Variants in ITGA4 observed in about 807,000 individuals in gnomAD.
ITGA4 encodes integrin alpha-4.
ITGA4 carries 63 observed loss-of-function variants against 133.6 expected under a neutral mutation model. That is an observed-to-expected ratio of 0.47 (90% CI 0.38 to 0.58). The LOEUF is 0.58. ITGA4 is among the 20% of genes least tolerant of loss of function. ITGA4 has a pLI of 0.00. For synonymous variants in ITGA4, 483 were observed against 438.0 expected (o/e 1.10, Z -1.28); for missense variants, 1,076 against 1,252.7 (o/e 0.86, Z 2.13).
At position 181,537,672 on chromosome 2, in the gene ITGA4, A is replaced by T. The variant is rs200675283; in HGVS notation, c.*2145A>T. 1.2e-5 allele frequency: 5 copies of T among 433,856 alleles called. No homozygotes were observed. The highest frequency in any genetic ancestry group is 8.4e-5 in the South Asian group (5 of 59,748). 26.9% of individuals were successfully genotyped at this position (433,856 alleles called of 1,614,324 possible). On this transcript the variant is annotated 3_prime_UTR_variant, in exon 28 of 28. Coordinates refer to ENST00000397033, the MANE Select transcript of ITGA4 (RefSeq NM_000885.6). ...AAAGAATCCAAATTATTTCAGAATT[A>T]TCTAGGTTAAATATTGATGTATTAT...
Position 181,523,259 on chromosome 2 carries a change from CAT to C in ITGA4, c.2074-177_2074-176del. ...ATATATACACATACATATATACACA[CAT>C]GCACACATATTTATATCATATGTCT... On this transcript the variant is annotated intron_variant, in intron 18 of 27. Coordinates refer to ENST00000397033, the MANE Select transcript of ITGA4 (RefSeq NM_000885.6). This position sits in a 1 kb window ranked among gnomAD's most constrained non-coding sequence, Gnocchi z 4.2. The C allele has an allele frequency of 1.9e-6, 1 of 518,484 alleles. No individual in the cohort carries two copies. The highest frequency in any genetic ancestry group is 3.5e-6 in the Non-Finnish European group (1 of 287,136). 32.1% of individuals were successfully genotyped at this position (518,484 alleles called of 1,614,324 possible).
At chr2:181,485,697 A>G (rs1487240922) in intron 9 of ITGA4, among the ~76,000 whole-genome samples, 184 bp from the exon 10 acceptor site, 2 of 152,314 alleles carry the variant, frequency 1.3e-5, no homozygotes, top group East Asian at 1.9e-4. Context: ...TCATACTATT[A>G]TGTGTTGACA....
intron 4 of ITGA4, 21 bp from the exon 5 acceptor site, chr2:181,478,733 AGTT>A (rs751236758): frequency 4.3e-5 from 45 of 1,055,500 alleles, no homozygotes; most frequent in Middle Eastern, 4.6e-4. Flanking sequence ...TAAAATTCTG[AGTT>A]GTTTTAATAT....
At chr2:181,465,236 A>G (rs1205699970) in intron 2 of ITGA4, among the ~76,000 whole-genome samples, 2 of 152,084 alleles carry the variant, frequency 1.3e-5, no homozygotes, top group African/African-American at 4.8e-5. Context: ...GTCATTGTCA[A>G]TATCACATTT....
At chr2:181,485,418 G>T (rs155101) in intron 9 of ITGA4, among the ~76,000 whole-genome samples, 1 of 150,902 alleles carries the variant, frequency 6.6e-6, no homozygotes. Flanking sequence ...TTTTTTTTGC[G>T]TCTCGATATT....
At chr2:181,501,596 T>C (rs1196530660) in intron 15 of ITGA4, among the ~76,000 whole-genome samples, 1 of 152,088 alleles carries the variant, frequency 6.6e-6, no homozygotes, top group African/African-American at 2.4e-5. Context: ...GTGGTGGCAG[T>C]GGATATGGTA....
chr2:181,500,993 A>C (rs974332218), intron 15 of ITGA4, among the ~76,000 whole-genome samples: 1 of 152,160 alleles, frequency 6.6e-6, no homozygotes, highest in Non-Finnish European at 1.5e-5. Context: ...GAGAATTTTA[A>C]ATAGGATACT....
At chr2:181,489,700 A>G (rs1574392256) in intron 10 of ITGA4, among the ~76,000 whole-genome samples, 1 of 152,020 alleles carries the variant, frequency 6.6e-6, no homozygotes, top group African/African-American at 2.4e-5. Flanking sequence ...ATTTTGTTAC[A>G]TGCATCGATT....
At chr2:181,472,991 T>C (rs764286401) in intron 2 of ITGA4, among the ~76,000 whole-genome samples, 3 of 152,246 alleles carry the variant, frequency 2.0e-5, no homozygotes, top group African/African-American at 4.8e-5. Context: ...GACCTAGTCT[T>C]AGTCCTCCTC....
chr2:181,479,864 C>T (rs958688086), intron 5 of ITGA4: 13 of 198,244 alleles, frequency 6.6e-5, no homozygotes, highest in Admixed American at 3.0e-4. Context: ...CTTACTCTAG[C>T]GTTCAGTACT....
At chr2:181,507,586 A>T (rs1686420077) in intron 15 of ITGA4, among the ~76,000 whole-genome samples, 1 of 152,060 alleles carries the variant, frequency 6.6e-6, no homozygotes, top group African/African-American at 2.4e-5. Context: ...CCCCACTTGG[A>T]TACAAAAATC....
Position 181,537,744 on chromosome 2 carries a change from AAAAG to A in ITGA4, c.*2220_*2223del. On this transcript the variant is annotated 3_prime_UTR_variant, in exon 28 of 28. Transcript: ENST00000397033. ...TGTGTCCAATAAACACATTGTAAAA[AAAAG>A]AATTTGAATTGATATCTAAAAACAG... The A allele has an allele frequency of 2.3e-6, 1 of 442,788 alleles. No homozygotes were observed. Among genetic ancestry groups the A allele is most frequent in the East Asian group, 7.0e-5 (1 of 14,284 alleles). 27.4% of individuals were successfully genotyped at this position (442,788 alleles called of 1,614,324 possible).
At chr2:181,484,534 C>T (rs1353008620) in intron 9 of ITGA4, among the ~76,000 whole-genome samples, 1 of 152,170 alleles carries the variant, frequency 6.6e-6, no homozygotes, top group Non-Finnish European at 1.5e-5. Context: ...TCCCTGACTC[C>T]TTTGAATCAA....
chr2:181,509,152 A>T (rs958583503), intron 15 of ITGA4, among the ~76,000 whole-genome samples: 169 of 2,404 alleles, frequency 0.07, 14 homozygotes, highest in Non-Finnish European at 0.22. Flanking sequence ...AAAAAAAAAA[A>T]AAAAAAAAAA....
intron 2 of ITGA4, among the ~76,000 whole-genome samples, chr2:181,466,747 T>TA (rs1230587233): frequency 2.0e-5 from 3 of 152,130 alleles, no homozygotes; most frequent in Non-Finnish European, 4.4e-5. Flanking sequence ...TATTAGGACT[T>TA]AAAAGGAAAA....
chr2:181,492,552 TA>T (rs1374967544), intron 10 of ITGA4, among the ~76,000 whole-genome samples: 4 of 43,484 alleles, frequency 9.2e-5, no homozygotes, highest in South Asian at 1.9e-3. Flanking sequence ...CTTGCAACTG[TA>T]GAATATTATT....
At chr2:181,465,705 A>G (rs1179023823) in intron 2 of ITGA4, among the ~76,000 whole-genome samples, 1 of 152,166 alleles carries the variant, frequency 6.6e-6, no homozygotes, top group East Asian at 1.9e-4. Flanking sequence ...TCAGAATAGT[A>G]TAGGTTTATT....
rs566857239 is a variant in ITGA4 at position 181,529,951 on chromosome 2, G to T, written c.2538+303G>T. On this transcript the variant is annotated intron_variant, in intron 23 of 27. Coordinates refer to ENST00000397033, the MANE Select transcript of ITGA4 (RefSeq NM_000885.6). Reference sequence around the variant, plus strand: ...TTGTTGTGTGATATGGACCTATAGAGGTAACTTCTATTAGTAGAATTCTTC... The same window carrying T: ...TTGTTGTGTGATATGGACCTATAGATGTAACTTCTATTAGTAGAATTCTTC... Among the ~76,000 whole-genome samples, 8 of 152,282 alleles carry T rather than the reference G, an allele frequency of 5.3e-5. No homozygotes were observed. The South Asian group carries it at 6.2e-4, about 12-fold the overall frequency.
At chr2:181,502,594 G>A (rs7594317) in intron 15 of ITGA4, among the ~76,000 whole-genome samples, 148,845 of 152,202 alleles carry the variant, frequency 0.98, 72,882 homozygotes, top group Middle Eastern at 1. Context: ...GATGGGGACT[G>A]TAGAAGTTCT....
Sources: allele counts gnomAD v4.1 joint callset (sites outside exome capture counted in the v4.1 genomes callset), GRCh38; gene constraint gnomAD v4.1.1; non-coding constraint Gnocchi (gnomAD v3.1); transcripts MANE v1.5; gene names NCBI Gene and HGNC (gene_info 2026-07-23, HGNC 2026-07-21).